Variants in NIPBL observed in about 807,000 individuals in gnomAD.
The protein encoded by NIPBL is NIPBL cohesin loading factor.
A neutral mutation model predicts 321.8 loss-of-function variants in NIPBL; 19 were observed. The ratio of observed to expected loss-of-function variants is 0.06; its 90% CI spans 0.04 to 0.09. The LOEUF is 0.09. NIPBL is among the 10% of genes least tolerant of loss of function. The pLI is 1.00. For synonymous variants in NIPBL, 1,106 were observed against 1,114.1 expected (o/e 0.99, Z 0.14); for missense variants, 2,210 against 3,327.0 (o/e 0.66, Z 8.26).
At position 37,010,107 on chromosome 5, in the gene NIPBL, A is replaced by T. The variant is rs776570810; in HGVS notation, c.4442A>T (p.Asp1481Val). 3.1e-6 allele frequency: 5 copies of T among 1,612,142 alleles called. No individual in the cohort carries two copies. The South Asian group carries it at 3.3e-5, about 11-fold the overall frequency. The change falls in exon 21 of 47, where the codon GAT (aspartate) becomes GTT (valine). Residue 1481 changes from aspartate (D) to valine (V), a missense_variant. This residue lies in a region of NIPBL where 381 missense variants were observed against 642.3 expected (regional missense o/e 0.59). Transcript: ENST00000282516. ...TAAAGGTTAAACAGTAGTGATATGG[A>T]TGGAGAACCTATGTATATTCAGATG... ...RNFRLNSSDM[D>V]GEPMYIQMVT...
intron 1 of NIPBL, among the ~76,000 whole-genome samples, chr5:36,914,607 G>C (rs1003449842): frequency 3.3e-5 from 5 of 152,102 alleles, no homozygotes; most frequent in African/African-American, 4.8e-5. Flanking sequence ...TTAGACTTGG[G>C]TCCCATCTAC....
intron 9 of NIPBL, among the ~76,000 whole-genome samples, chr5:36,981,198 A>G (rs1311420016): frequency 1.3e-5 from 2 of 151,698 alleles, no homozygotes; most frequent in Admixed American, 6.6e-5. Context: ...GCACTTTAGG[A>G]TATGAGTTTG....
chr5:36,896,157 A>G (rs547319712), intron 1 of NIPBL, among the ~76,000 whole-genome samples: 1 of 152,298 alleles, frequency 6.6e-6, no homozygotes, highest in South Asian at 2.1e-4. Flanking sequence ...GTGTTTATCC[A>G]ATTTTCCATT....
chr5:36,894,680 C>T (rs897069982), intron 1 of NIPBL, among the ~76,000 whole-genome samples: 3 of 152,024 alleles, frequency 2.0e-5, no homozygotes, highest in Admixed American at 1.3e-4. Flanking sequence ...TGTCAGAATC[C>T]TCTGTGGATT....
At chr5:37,056,195 G>A (rs185301210) in intron 42 of NIPBL, among the ~76,000 whole-genome samples, 33 of 152,152 alleles carry the variant, frequency 2.2e-4, no homozygotes, top group African/African-American at 7.5e-4. Flanking sequence ...CATCTGTAAC[G>A]TGGGTGTTGA....
chr5:36,980,203 T>A (rs2149635421), intron 9 of NIPBL, among the ~76,000 whole-genome samples: 1 of 151,870 alleles, frequency 6.6e-6, no homozygotes. Context: ...TAGAAACTTG[T>A]ATATTTTATT....
chr5:36,953,516 C>T (rs1740632247), intron 1 of NIPBL, 102 bp from the exon 2 acceptor site: 4 of 624,646 alleles, frequency 6.4e-6, no homozygotes, highest in Non-Finnish European at 1.1e-5. Context: ...ATAGGTTGAA[C>T]AAACCAAAGC....
At chr5:36,981,582 A>C (rs541172211) in intron 9 of NIPBL, among the ~76,000 whole-genome samples, 8 of 151,636 alleles carry the variant, frequency 5.3e-5, no homozygotes, top group Non-Finnish European at 8.9e-5. Context: ...TAATTACATA[A>C]ATTAATTTTA....
chr5:36,909,623 G>A (rs755464081), intron 1 of NIPBL, among the ~76,000 whole-genome samples: 3 of 151,980 alleles, frequency 2.0e-5, no homozygotes, highest in African/African-American at 4.8e-5. Flanking sequence ...AAAAAAGAAC[G>A]AAATAACCAA....
intron 1 of NIPBL, among the ~76,000 whole-genome samples, chr5:36,913,313 G>A (rs975337745): frequency 3.3e-5 from 5 of 151,792 alleles, no homozygotes; most frequent in African/African-American, 1.2e-4. Flanking sequence ...TAAAGCAAAT[G>A]TAGTTTGCAT....
chr5:37,000,492 G>C lies in NIPBL; in HGVS notation c.3424G>C (p.Gly1142Arg), dbSNP rs1481572999. The C allele has an allele frequency of 6.2e-7, 1 of 1,613,414 alleles. No homozygotes were observed. Among genetic ancestry groups the C allele is most frequent in the Non-Finnish European group, 8.5e-7 (1 of 1,179,596 alleles). Reference protein sequence around the residue: ...GHSHEGRRSSGGGRYRNRSPS... With the variant: ...GHSHEGRRSSRGGRYRNRSPS... ...CTCTCATGAAGGAAGAAGGAGTTCA[G>C]GTGGTGGTCGTTATCGAAACCGAAG... Residue 1142 changes from glycine to arginine, a missense_variant, in exon 12 of 47, where the codon GGT (glycine) becomes CGT (arginine). Around this residue, in one of 14 missense-constraint regions of NIPBL, gnomAD observed 381 missense variants for 642.3 expected, o/e 0.59. Transcript: ENST00000282516.
At chr5:36,913,910 A>G (rs1748244136) in intron 1 of NIPBL, among the ~76,000 whole-genome samples, 1 of 152,206 alleles carries the variant, frequency 6.6e-6, no homozygotes, top group Admixed American at 6.5e-5. Flanking sequence ...TGTATTAGTC[A>G]GAATGGGATA....
Position 36,882,859 on chromosome 5 carries a change from CATT to C in NIPBL, c.-80+5685_-80+5687del, listed in dbSNP as rs536073089. On this transcript the variant is annotated intron_variant, in intron 1 of 46. Coordinates refer to ENST00000282516, the MANE Select transcript of NIPBL (RefSeq NM_133433.4). ...ATGTTTTGATCAGTTATAGCTGATTCATTATTTGATTATAGTCTTTTTTTTTAA... is the reference window on the plus strand; with the variant it reads ...ATGTTTTGATCAGTTATAGCTGATTCATTTGATTATAGTCTTTTTTTTTAA... Among the ~76,000 whole-genome samples, 17 of 151,230 alleles carry C rather than the reference CATT, an allele frequency of 1.1e-4. No individual in the cohort carries two copies. The South Asian group carries it at 3.6e-3, about 32-fold the overall frequency.
Position 37,052,278 on chromosome 5 carries a change from G to A in NIPBL, c.7063-88G>A, listed in dbSNP as rs1031485552. On this transcript the variant is annotated intron_variant, in intron 41 of 46. Transcript: ENST00000282516. ...ATTTTAATTAAAAAAAAACAATGAA[G>A]CTAGCCTCAGAATGTAATGCTCTAA... The A allele has an allele frequency of 2.6e-5, 27 of 1,019,994 alleles. No individual in the cohort carries two copies. The African/African-American group carries it at 4.0e-4, about 15-fold the overall frequency. 63.2% of individuals were successfully genotyped at this position (1,019,994 alleles called of 1,614,324 possible).
In NIPBL at chr5:36,958,175, C is replaced by T. The variant is rs986024813; in HGVS notation, c.302C>T (p.Ala101Val). ...DIPVLLQAVL[A>V]RSPNVFREKS... ...CCAGTCTTGTTGCAGGCCGTCCTGG[C>T]AAGGAGTCCTAATGTTTTCAGGGAG... Residue 101 changes from alanine to valine, a missense_variant, in exon 4 of 47, where the codon GCA becomes GTA. Physicochemically the swap from Ala to Val is moderately conservative, Grantham distance 64. Transcript: ENST00000282516. 3 of 1,613,882 alleles carry T rather than the reference C, an allele frequency of 1.9e-6. No homozygotes were observed. In the Admixed American group the frequency reaches 5.0e-5, roughly 27 times the overall value.
intron 1 of NIPBL, among the ~76,000 whole-genome samples, chr5:36,895,207 A>G (rs977288282): frequency 6.6e-6 from 1 of 151,984 alleles, no homozygotes; most frequent in African/African-American, 2.4e-5. Flanking sequence ...GTTGCTGTGG[A>G]TTTCTGTATT....
chr5:37,026,310 T>C lies in NIPBL; in HGVS notation c.5791T>C (p.Leu1931=), dbSNP rs1264905713. ...NDKEAMTRKI[L]NITDVVAACR... Reference sequence around the variant, plus strand: ...CAAAGAAGCAATGACAAGGAAAATTTTAAACATTACCGATGTGGTAAGAAG... The same window carrying C: ...CAAAGAAGCAATGACAAGGAAAATTCTAAACATTACCGATGTGGTAAGAAG... The change falls in exon 31 of 47, where the codon TTA becomes CTA. Residue 1931 remains leucine, a synonymous_variant. Transcript: ENST00000282516. 12 of 1,606,820 alleles carry C rather than the reference T, an allele frequency of 7.5e-6. No individual in the cohort carries two copies. Among genetic ancestry groups the C allele is most frequent in the Non-Finnish European group, 1.0e-5 (12 of 1,173,850 alleles).
At position 37,013,017 on chromosome 5, in the gene NIPBL, G is replaced by A. The variant is rs531672485; in HGVS notation, c.4561-1666G>A. 2.3e-3 allele frequency among the ~76,000 whole-genome samples: 343 copies of A among 151,932 alleles called. 3 individuals are homozygous for A. The highest frequency in any genetic ancestry group is 4.1e-3 in the Non-Finnish European group (281 of 67,978). ...GACGGGGTGGTGGCCGGGCAGAGGC[G>A]CCCCTCACCTCCCGGACGGGGGGCT... On this transcript the variant is annotated intron_variant, in intron 21 of 46. Transcript: ENST00000282516.
chr5:37,020,068 A>G (rs1749451355), intron 25 of NIPBL, among the ~76,000 whole-genome samples: 1 of 152,160 alleles, frequency 6.6e-6, no homozygotes, highest in African/African-American at 2.4e-5. Context: ...AACTAAGGCA[A>G]AATTTGAAAA....
Sources: allele counts gnomAD v4.1 joint callset (sites outside exome capture counted in the v4.1 genomes callset), GRCh38; gene constraint gnomAD v4.1.1; regional missense constraint gnomAD v4.1.1; transcripts MANE v1.5; gene names NCBI Gene and HGNC (gene_info 2026-07-23, HGNC 2026-07-21).